The following DPP10 variants were observed in gnomAD, a reference collection of about 807,000 sequenced individuals.
DPP10 encodes inactive dipeptidyl peptidase 10.
Under a neutral mutation model 120.9 loss-of-function variants are expected in DPP10, and 33 were observed. The observed-to-expected ratio is 0.27, with a 90% CI of 0.21 to 0.37. DPP10 has a LOEUF of 0.37. Ranked by LOEUF, DPP10 falls within the 10% of genes least tolerant of loss-of-function variation. The pLI is 1.00. For missense variants in DPP10, 816 were observed against 942.8 expected (o/e 0.87, Z 1.76); for synonymous variants, 337 against 326.1 (o/e 1.03, Z -0.36).
chr2:115,366,233 G>C (rs1362968219), intron 3 of DPP10, among the ~76,000 whole-genome samples: 2 of 151,712 alleles, frequency 1.3e-5, no homozygotes, highest in Non-Finnish European at 2.9e-5. Flanking sequence ...CCTCATTCCT[G>C]AAAACTTTCA....
At chr2:114,997,397 CAGA>C (rs1024423603) in intron 1 of DPP10, among the ~76,000 whole-genome samples, 4 of 149,086 alleles carry the variant, frequency 2.7e-5, no homozygotes, top group African/African-American at 9.9e-5. Context: ...GAGTCTGAGG[CAGA>C]AGGATTGCTT....
At chr2:114,518,259 G>A (rs904742308) in intron 1 of DPP10, among the ~76,000 whole-genome samples, 5 of 151,756 alleles carry the variant, frequency 3.3e-5, no homozygotes, top group Non-Finnish European at 7.4e-5. Context: ...TGTGTTTTTA[G>A]TAGAGATGGT....
chr2:115,636,568 CAGAG>C (rs764872980), intron 5 of DPP10, among the ~76,000 whole-genome samples: 22 of 150,022 alleles, frequency 1.5e-4, no homozygotes, highest in African/African-American at 2.7e-4. Context: ...GAGAAGGAGA[CAGAG>C]AGAGAGAAAA....
intron 1 of DPP10, among the ~76,000 whole-genome samples, chr2:114,450,540 T>G (rs1205440946): frequency 6.6e-6 from 1 of 152,102 alleles, no homozygotes; most frequent in Non-Finnish European, 1.5e-5. Context: ...AGCTATAAAT[T>G]CATTTGCCTT....
chr2:115,157,545 C>T (rs2052003798), intron 1 of DPP10, among the ~76,000 whole-genome samples: 1 of 152,034 alleles, frequency 6.6e-6, no homozygotes, highest in African/African-American at 2.4e-5. Flanking sequence ...TTCTTTTTTA[C>T]TTTAAAAGTA....
intron 3 of DPP10, among the ~76,000 whole-genome samples, chr2:115,490,222 G>T (rs1030166734): frequency 2.0e-5 from 3 of 152,144 alleles, no homozygotes; most frequent in African/African-American, 7.2e-5. Flanking sequence ...TCACAGTTCT[G>T]CATGGCTAAG....
At chr2:114,663,640 GAT>G (rs748891458) in intron 1 of DPP10, among the ~76,000 whole-genome samples, 11,413 of 107,568 alleles carry the variant, frequency 0.11, 692 homozygotes, top group East Asian at 0.21. Context: ...TACATGTACA[GAT>G]ATATATATAT....
intron 1 of DPP10, among the ~76,000 whole-genome samples, chr2:115,170,743 T>C (rs2053256980): frequency 6.6e-6 from 1 of 152,144 alleles, no homozygotes; most frequent in Non-Finnish European, 1.5e-5. Flanking sequence ...TTGACACCCA[T>C]AGTGAGAGTG....
At chr2:115,320,508 TG>T (rs2062006125) in intron 2 of DPP10, among the ~76,000 whole-genome samples, 1 of 151,994 alleles carries the variant, frequency 6.6e-6, no homozygotes, top group African/African-American at 2.4e-5. Context: ...TTTTTTCTTA[TG>T]GTTATGTTGG....
chr2:115,030,491 T>C (rs546816694), intron 1 of DPP10, among the ~76,000 whole-genome samples: 3 of 152,306 alleles, frequency 2.0e-5, no homozygotes, highest in African/African-American at 7.2e-5. Flanking sequence ...TTCCCAACTT[T>C]TATTTTAAGT....
At chr2:114,941,378 A>G (rs1177515408) in intron 1 of DPP10, among the ~76,000 whole-genome samples, 1 of 152,172 alleles carries the variant, frequency 6.6e-6, no homozygotes, top group African/African-American at 2.4e-5. Flanking sequence ...TCTAAAGATC[A>G]AACAGTTACC....
At chr2:115,403,588 T>C (rs1322808075) in intron 3 of DPP10, among the ~76,000 whole-genome samples, 1 of 151,850 alleles carries the variant, frequency 6.6e-6, no homozygotes, top group Non-Finnish European at 1.5e-5. Context: ...TCAGTAGAGA[T>C]AGGGTTTCAC....
intron 1 of DPP10, among the ~76,000 whole-genome samples, chr2:114,627,604 A>AT (rs374107364): frequency 6.6e-5 from 10 of 151,686 alleles, no homozygotes; most frequent in African/African-American, 9.7e-5. Flanking sequence ...GTGAGCTGGG[A>AT]TTTTTTTTAG....
At chr2:115,244,224 A>G (rs1404366361) in intron 1 of DPP10, among the ~76,000 whole-genome samples, 4 of 37,336 alleles carry the variant, frequency 1.1e-4, no homozygotes, top group African/African-American at 4.8e-4. Context: ...GTGTATATAT[A>G]TATATATATA....
chr2:115,309,109 A>G, intron 1 of DPP10, 130 bp from the exon 2 acceptor site: 2 of 666,814 alleles, frequency 3.0e-6, no homozygotes, highest in South Asian at 1.9e-5. Context: ...AATTAAATGA[A>G]CTACTGAAGA....
intron 12 of DPP10, among the ~76,000 whole-genome samples, chr2:115,763,607 T>C (rs1680362250): frequency 2.0e-5 from 3 of 152,176 alleles, no homozygotes; most frequent in Admixed American, 6.6e-5. Flanking sequence ...TTTACTTTTC[T>C]CTAATTCACA....
At chr2:115,047,075 G>C (rs1705123289) in intron 1 of DPP10, among the ~76,000 whole-genome samples, 1 of 149,594 alleles carries the variant, frequency 6.7e-6, no homozygotes, top group African/African-American at 2.4e-5. Context: ...ATTTATTATT[G>C]AAAGCAGTTG....
At chr2:115,311,551 T>A (rs1466493217) in intron 2 of DPP10, among the ~76,000 whole-genome samples, 1 of 152,194 alleles carries the variant, frequency 6.6e-6, no homozygotes, top group Non-Finnish European at 1.5e-5. Context: ...ATTCATGCAT[T>A]CATTCATCCC....
chr2:114,875,209 G>T (rs1691055160), intron 1 of DPP10, among the ~76,000 whole-genome samples: 1 of 152,066 alleles, frequency 6.6e-6, no homozygotes, highest in Non-Finnish European at 1.5e-5. Flanking sequence ...TTTTCTTCAA[G>T]GTACATTCAT....
Sources: gnomAD v4.1 joint callset for allele counts (sites outside exome capture counted in the v4.1 genomes callset) on GRCh38, gnomAD v4.1.1 for gene constraint, MANE v1.5 for transcripts, NCBI Gene and HGNC (gene_info 2026-07-23, HGNC 2026-07-21) for gene names.